The following ANKS1B variants were observed in gnomAD, a reference collection of about 807,000 sequenced individuals.
ANKS1B encodes ankyrin repeat and sterile alpha motif domain containing 1B.
In ANKS1B, 36 loss-of-function variants were observed where a neutral mutation model predicts 148.3. The ratio of observed to expected loss-of-function variants is 0.24; its 90% CI spans 0.19 to 0.32. ANKS1B has a LOEUF of 0.32. Ranked by LOEUF, ANKS1B falls within the 10% of genes least tolerant of loss-of-function variation. The pLI, the probability that ANKS1B is intolerant of heterozygous loss-of-function variation, is 1.00. For synonymous variants in ANKS1B, 542 were observed against 560.8 expected (o/e 0.97, Z 0.47); for missense variants, 1,157 against 1,542.6 (o/e 0.75, Z 4.19).
chr12:98,982,893 A>G (rs1208950179), intron 17 of ANKS1B, among the ~76,000 whole-genome samples: 6 of 152,206 alleles, frequency 3.9e-5, no homozygotes, highest in Admixed American at 1.3e-4. Flanking sequence ...GATTATATAC[A>G]TAGGTGATGA....
At chr12:98,902,118 C>T (rs2099772968) in intron 17 of ANKS1B, among the ~76,000 whole-genome samples, 1 of 152,120 alleles carries the variant, frequency 6.6e-6, no homozygotes, top group African/African-American at 2.4e-5. Flanking sequence ...GCTTGGAATC[C>T]AAGGGGAATG....
chr12:99,534,044 G>A (rs890752353), intron 9 of ANKS1B, among the ~76,000 whole-genome samples: 7 of 152,096 alleles, frequency 4.6e-5, no homozygotes, highest in Middle Eastern at 3.2e-3. Flanking sequence ...TTACTTCACA[G>A]AGACAAGAAA....
intron 17 of ANKS1B, 43 bp from the exon 18 acceptor site, chr12:98,832,179 A>C (rs2099322998): frequency 6.9e-7 from 1 of 1,444,538 alleles, no homozygotes; most frequent in Non-Finnish European, 9.4e-7. Flanking sequence ...ACTGGAGAAC[A>C]AATAATTTTT....
intron 10 of ANKS1B, among the ~76,000 whole-genome samples, chr12:99,482,524 T>C (rs2096428080): frequency 6.6e-6 from 1 of 152,116 alleles, no homozygotes; most frequent in South Asian, 2.1e-4. Flanking sequence ...CCTTTTGTGG[T>C]TCCATATGAA....
At chr12:98,795,769 G>A (rs1234107977) in intron 22 of ANKS1B, 3 of 393,154 alleles carry the variant, frequency 7.6e-6, no homozygotes, top group South Asian at 2.0e-5. Context: ...TCACAGTGTG[G>A]GTAGTGGAGT....
intron 8 of ANKS1B, among the ~76,000 whole-genome samples, chr12:99,770,123 T>C (rs2063050369): frequency 6.6e-6 from 1 of 152,240 alleles, no homozygotes. Flanking sequence ...ATCCTCACTC[T>C]GCCACTTGGC....
At chr12:98,882,402 ATAAT>A (rs1410979228) in intron 17 of ANKS1B, among the ~76,000 whole-genome samples, 3 of 152,214 alleles carry the variant, frequency 2.0e-5, no homozygotes, top group Non-Finnish European at 4.4e-5. Flanking sequence ...GATGTGCAGT[ATAAT>A]TAGTCAGAAA....
At chr12:99,694,461 A>C (rs957197181) in intron 8 of ANKS1B, among the ~76,000 whole-genome samples, 1 of 151,734 alleles carries the variant, frequency 6.6e-6, no homozygotes, top group Non-Finnish European at 1.5e-5. Context: ...AAGAATTGTC[A>C]GACTATGGAT....
chr12:99,325,646 TA>T (rs2152221228), intron 12 of ANKS1B, among the ~76,000 whole-genome samples: 1 of 152,262 alleles, frequency 6.6e-6, no homozygotes, highest in East Asian at 1.9e-4. Flanking sequence ...CTAAAATTGT[TA>T]TGCCCAGATC....
At chr12:99,243,195 T>G (rs1421451990) in intron 14 of ANKS1B, among the ~76,000 whole-genome samples, 1 of 151,756 alleles carries the variant, frequency 6.6e-6, no homozygotes, top group Non-Finnish European at 1.5e-5. Flanking sequence ...AAACAAATAA[T>G]CCCATCAAAA....
At chr12:98,894,981 C>T (rs2099761580) in intron 17 of ANKS1B, 2 of 823,862 alleles carry the variant, frequency 2.4e-6, no homozygotes, top group South Asian at 5.4e-5. Flanking sequence ...CGCGCGCCTG[C>T]CCTGGCGGCA....
rs182903455 is a variant in ANKS1B at position 99,005,619 on chromosome 12, C to T, written c.2778+47538G>A. Among the ~76,000 whole-genome samples the T allele has an allele frequency of 6.6e-5, 10 of 152,292 alleles. No homozygotes were observed. In the East Asian group the frequency reaches 1.5e-3, roughly 23 times the overall value. ...TCCTTTTCCCTCTCGATTGCTTTAG[C>T]TTGTAACCTGCATGCGCTTTCAAAT... On this transcript the variant is annotated intron_variant, in intron 17 of 26. Transcript: ENST00000683438.
intron 1 of ANKS1B, among the ~76,000 whole-genome samples, chr12:99,859,477 A>G (rs1702869647): frequency 6.6e-6 from 1 of 152,178 alleles, no homozygotes; most frequent in South Asian, 2.1e-4. Flanking sequence ...TGTAATTCAA[A>G]TACTACCCAA....
intron 10 of ANKS1B, among the ~76,000 whole-genome samples, chr12:99,446,400 T>C (rs1209169560): frequency 1.3e-5 from 2 of 152,076 alleles, no homozygotes; most frequent in African/African-American, 4.8e-5. Flanking sequence ...TAGATAACTT[T>C]TATTGAGCAT....
At chr12:99,588,822 G>A (rs2097670270) in intron 9 of ANKS1B, among the ~76,000 whole-genome samples, 1 of 152,138 alleles carries the variant, frequency 6.6e-6, no homozygotes, top group Non-Finnish European at 1.5e-5. Flanking sequence ...TTAGTGCCAT[G>A]ATAACTGCCA....
intron 16 of ANKS1B, among the ~76,000 whole-genome samples, chr12:99,064,445 T>A (rs2043412356): frequency 6.9e-6 from 1 of 144,788 alleles, no homozygotes; most frequent in Non-Finnish European, 1.5e-5. Flanking sequence ...AGCACTAGAC[T>A]GGCCCTGTCT....
intron 10 of ANKS1B, among the ~76,000 whole-genome samples, chr12:99,498,841 A>G (rs2096628862): frequency 6.6e-6 from 1 of 152,170 alleles, no homozygotes; most frequent in Admixed American, 6.5e-5. Flanking sequence ...TTAGTAACAA[A>G]GGGAATACAT....
At chr12:99,065,971 C>A (rs1047872835) in intron 16 of ANKS1B, among the ~76,000 whole-genome samples, 2 of 151,736 alleles carry the variant, frequency 1.3e-5, no homozygotes, top group South Asian at 4.2e-4. Flanking sequence ...TATTAAATAG[C>A]GTGGTTAGGG....
At chr12:99,441,513 G>A (rs11109843) in intron 11 of ANKS1B, among the ~76,000 whole-genome samples, 4,662 of 151,998 alleles carry the variant, frequency 0.031, 200 homozygotes, top group African/African-American at 0.095. Context: ...AATGTCTCCA[G>A]GGTGGAAGAA....
Sources: gnomAD v4.1 joint callset for allele counts (sites outside exome capture counted in the v4.1 genomes callset) on GRCh38, gnomAD v4.1.1 for gene constraint, MANE v1.5 for transcripts, NCBI Gene and HGNC (gene_info 2026-07-23, HGNC 2026-07-21) for gene names.